The following SLC24A4 variants were observed in gnomAD, a reference collection of about 807,000 sequenced individuals.
SLC24A4 encodes the protein solute carrier family 24 member 4, also known as sodium/potassium/calcium exchanger 4.
A neutral mutation model predicts 79.0 loss-of-function variants in SLC24A4; 53 were observed. The observed-to-expected ratio is 0.67, with a 90% CI of 0.54 to 0.84. SLC24A4 has a LOEUF of 0.84. SLC24A4 is among the 40% of genes least tolerant of loss of function. SLC24A4 has a pLI of 0.00. For missense variants in SLC24A4, 731 were observed against 822.0 expected, an observed-to-expected ratio of 0.89 and a Z score of 1.35; for synonymous variants, 323 against 323.8, an observed-to-expected ratio of 1.00 and a Z score of 0.03.
chr14:92,460,998 G>C (rs1893768349), intron 12 of SLC24A4, among the ~76,000 whole-genome samples: 1 of 152,190 alleles, frequency 6.6e-6, no homozygotes. Flanking sequence ...GTGTGGGTAG[G>C]GGGAAAAAGA....
intron 2 of SLC24A4, among the ~76,000 whole-genome samples, chr14:92,432,165 T>G (rs1157541721): frequency 6.6e-6 from 1 of 152,136 alleles, no homozygotes; most frequent in Non-Finnish European, 1.5e-5. Flanking sequence ...ATGCCATTCA[T>G]TCTCCTCCAC....
intron 12 of SLC24A4, among the ~76,000 whole-genome samples, chr14:92,474,709 GTATA>G (rs201628605): frequency 1.2e-4 from 1 of 8,078 alleles, no homozygotes; most frequent in African/African-American, 2.3e-4. Flanking sequence ...ATACGTGTGT[GTATA>G]TATATATACA....
intron 12 of SLC24A4, among the ~76,000 whole-genome samples, chr14:92,479,879 G>T (rs1251347622): frequency 6.6e-6 from 1 of 152,124 alleles, no homozygotes; most frequent in East Asian, 1.9e-4. Context: ...TTTCAATCTT[G>T]TTTTAAATCT....
At chr14:92,458,923 C>G (rs547170146) in intron 12 of SLC24A4, among the ~76,000 whole-genome samples, 4 of 152,118 alleles carry the variant, frequency 2.6e-5, no homozygotes, top group Non-Finnish European at 5.9e-5. Context: ...AACAGCCGAG[C>G]TTATGAGGGG....
rs377654077 is a variant in SLC24A4 at position 92,342,363 on chromosome 14, C to CATTAATTA, written c.241+16388_241+16389insAATTAATT. On this transcript the variant is annotated intron_variant, in intron 2 of 16. Transcript: ENST00000532405. Reference sequence around the variant, plus strand: ...GCTCCCAGATTCTTCTTTTTTTCCCCATTTATTTATTTATTTATTTATTTA... The same window carrying CATTAATTA: ...GCTCCCAGATTCTTCTTTTTTTCCCCATTAATTAATTTATTTATTTATTTATTTATTTA... Among the ~76,000 whole-genome samples the CATTAATTA allele has an allele frequency of 2.1e-4, 29 of 137,926 alleles. No individual in the cohort carries two copies. In the South Asian group the frequency reaches 6.5e-3, roughly 31 times the overall value. 90.5% of individuals were successfully genotyped at this position (137,926 alleles called of 152,430 possible). A position where few individuals can be genotyped will look rare whatever the true frequency, so the allele number is the denominator to read the frequency against.
At position 92,491,785 on chromosome 14, in the gene SLC24A4, C is replaced by T; in HGVS notation, c.1650+8C>T. ...GTTAATTATGGATCAACAGTAAGTTCCTCTCACCTTTAACAGATGTGTTTT... is the reference window on the plus strand; with the variant it reads ...GTTAATTATGGATCAACAGTAAGTTTCTCTCACCTTTAACAGATGTGTTTT... On this transcript the variant is annotated splice_region_variant and intron_variant, in intron 15 of 16. Coordinates refer to ENST00000532405, the MANE Select transcript of SLC24A4 (RefSeq NM_153646.4). The T allele has an allele frequency of 6.3e-7, 1 of 1,594,414 alleles. No individual in the cohort carries two copies. Among genetic ancestry groups the T allele is most frequent in the Non-Finnish European group, 8.6e-7 (1 of 1,162,032 alleles).
chr14:92,445,290 C>T (rs746333737), intron 7 of SLC24A4, 27 bp from the exon 8 acceptor site: 1 of 1,613,874 alleles, frequency 6.2e-7, no homozygotes, highest in African/African-American at 1.3e-5. Context: ...TCCCACCCAC[C>T]TCAACTCTGT....
chr14:92,369,384 C>G (rs936699852), intron 2 of SLC24A4, among the ~76,000 whole-genome samples: 1 of 152,096 alleles, frequency 6.6e-6, no homozygotes, highest in African/African-American at 2.4e-5. Context: ...AGGACATCAG[C>G]AGATGAATCC....
chr14:92,419,563 T>G (rs966684386), intron 2 of SLC24A4, among the ~76,000 whole-genome samples: 2 of 152,228 alleles, frequency 1.3e-5, no homozygotes, highest in Non-Finnish European at 2.9e-5. Context: ...TCCAGGTCCT[T>G]GTACTCCTAA....
intron 8 of SLC24A4, 66 bp from the exon 9 acceptor site, chr14:92,447,305 C>G (rs1277986697): frequency 1.3e-6 from 2 of 1,486,950 alleles, no homozygotes; most frequent in African/African-American, 2.8e-5. Context: ...TTCTGGACCC[C>G]TCATTCCCAG....
intron 3 of SLC24A4, among the ~76,000 whole-genome samples, chr14:92,436,779 G>C (rs550260803): frequency 6.6e-6 from 1 of 152,306 alleles, no homozygotes. Flanking sequence ...AAGAGAGAGA[G>C]GCCTTTTGGC....
intron 4 of SLC24A4, among the ~76,000 whole-genome samples, chr14:92,440,274 A>G (rs1375044999): frequency 6.6e-6 from 1 of 152,150 alleles, no homozygotes; most frequent in Non-Finnish European, 1.5e-5. Flanking sequence ...CCTCAGATGG[A>G]GCCATGTGCT....
At chr14:92,400,605 C>A (rs892226353) in intron 2 of SLC24A4, among the ~76,000 whole-genome samples, 6 of 152,108 alleles carry the variant, frequency 3.9e-5, no homozygotes, top group Non-Finnish European at 5.9e-5. Flanking sequence ...TGACTTTGAA[C>A]CCCAGTTAGG....
chr14:92,363,769 G>T (rs945178974), intron 2 of SLC24A4, among the ~76,000 whole-genome samples: 1 of 152,126 alleles, frequency 6.6e-6, no homozygotes, highest in African/African-American at 2.4e-5. Flanking sequence ...GGTGCAGGTT[G>T]CAGTGAGCTG....
intron 13 of SLC24A4, chr14:92,484,754 C>G: frequency 1.0e-6 from 1 of 985,404 alleles, no homozygotes; most frequent in African/African-American, 1.7e-5. Flanking sequence ...CTTTCACACC[C>G]TACTCCCAGC....
intron 2 of SLC24A4, among the ~76,000 whole-genome samples, chr14:92,412,611 C>T (rs1890781528): frequency 6.6e-6 from 1 of 152,138 alleles, no homozygotes; most frequent in African/African-American, 2.4e-5. Context: ...ACCATGCCCT[C>T]ATCCCCCTCG....
chr14:92,440,829 G>A (rs1445732073), intron 4 of SLC24A4, among the ~76,000 whole-genome samples: 1 of 151,636 alleles, frequency 6.6e-6, no homozygotes. Flanking sequence ...GGTTTCAGAA[G>A]TGGGAAGGAG....
chr14:92,486,223 G>A (rs1191408555), intron 13 of SLC24A4, among the ~76,000 whole-genome samples: 1 of 152,190 alleles, frequency 6.6e-6, no homozygotes, highest in Non-Finnish European at 1.5e-5. Flanking sequence ...CAGAACACTT[G>A]TGCAGTTGGG....
intron 2 of SLC24A4, among the ~76,000 whole-genome samples, chr14:92,411,765 G>A (rs188073252): frequency 3.9e-4 from 59 of 152,208 alleles, no homozygotes; most frequent in African/African-American, 1.1e-3. Context: ...CTATATAAGG[G>A]GCACTGTCTA....
Sources: gnomAD v4.1 joint callset for allele counts (sites outside exome capture counted in the v4.1 genomes callset) on GRCh38, gnomAD v4.1.1 for gene constraint, MANE v1.5 for transcripts, NCBI Gene and HGNC (gene_info 2026-07-23, HGNC 2026-07-21) for gene names.